GLB1L3: variants seen among roughly 807,000 people sequenced by gnomAD.
The protein encoded by GLB1L3 is beta-galactosidase-1-like protein 3.
In GLB1L3, 89 loss-of-function variants were observed where a neutral mutation model predicts 89.5. The observed-to-expected ratio is 0.99, with a 90% CI of 0.84 to 1.19. GLB1L3 has a LOEUF of 1.19. Among genes scored for constraint, GLB1L3 ranks in the 50% most tolerant of loss-of-function variants. The probability of loss-of-function intolerance (pLI) is 0.00; values close to 1 mark genes in which losing one functional copy is unlikely to be tolerated. For missense variants in GLB1L3, 812 were observed against 813.3 expected (o/e 1.00, Z 0.02); for synonymous variants, 314 against 312.3 (o/e 1.01, Z -0.06).
intron 7 of GLB1L3, chr11:134,289,126 A>G (rs1346465512): frequency 9.6e-6 from 4 of 417,588 alleles, no homozygotes; most frequent in Non-Finnish European, 1.7e-5. Flanking sequence ...AGCCTTACCA[A>G]TAATAAACAG....
chr11:134,309,382 C>G (rs145002529), intron 10 of GLB1L3, among the ~76,000 whole-genome samples: 187 of 152,102 alleles, frequency 1.2e-3, no homozygotes, highest in African/African-American at 4.3e-3. Context: ...AAATGATGTA[C>G]AGCATATCCT....
At chr11:134,301,760 C>A (rs1308836967) in intron 9 of GLB1L3, among the ~76,000 whole-genome samples, 1 of 151,990 alleles carries the variant, frequency 6.6e-6, no homozygotes, top group East Asian at 1.9e-4. Context: ...CTCATTAGTT[C>A]ATGAGTTTTA....
intron 5 of GLB1L3, among the ~76,000 whole-genome samples, 191 bp from the exon 6 acceptor site, chr11:134,283,546 A>G (rs910561109): frequency 3.9e-5 from 6 of 152,290 alleles, no homozygotes; most frequent in African/African-American, 1.4e-4. Flanking sequence ...GTTTCCTTTC[A>G]AATCCCACAA....
At chr11:134,314,500 C>G (rs942702936) in intron 18 of GLB1L3, 59 bp downstream of exon 18, 1 of 1,112,032 alleles carries the variant, frequency 9.0e-7, no homozygotes, top group African/African-American at 1.6e-5. Context: ...TTTAAAGAGT[C>G]CTGAAGCAAA....
chr11:134,305,140 T>A, intron 9 of GLB1L3: 1 of 1,524,472 alleles, frequency 6.6e-7, no homozygotes, highest in Non-Finnish European at 8.9e-7. Flanking sequence ...GCAGGACTGC[T>A]CTCAGATGCC....
chr11:134,310,101 A>G, intron 11 of GLB1L3: 1 of 407,250 alleles, frequency 2.5e-6, no homozygotes, highest in Admixed American at 3.7e-5. Flanking sequence ...TGAGCAAAGA[A>G]AAGAGTACCC....
chr11:134,294,781 T>G (rs899668864), intron 9 of GLB1L3, among the ~76,000 whole-genome samples: 1 of 152,228 alleles, frequency 6.6e-6, no homozygotes, highest in African/African-American at 2.4e-5. Context: ...GTGGTGTTTC[T>G]TCGAGGTCCA....
intron 3 of GLB1L3, among the ~76,000 whole-genome samples, chr11:134,279,790 T>A (rs1409736743): frequency 6.6e-6 from 1 of 152,208 alleles, no homozygotes; most frequent in Non-Finnish European, 1.5e-5. Flanking sequence ...TAATCTTATC[T>A]ATTTAGTCTT....
intron 9 of GLB1L3, 134 bp from the exon 10 acceptor site, chr11:134,306,990 A>G: frequency 1.6e-6 from 1 of 621,014 alleles, no homozygotes; most frequent in Non-Finnish European, 2.8e-6. Context: ...ATACTGGATC[A>G]AAACGGGAAA....
intron 12 of GLB1L3, 36 bp downstream of exon 12, chr11:134,310,687 C>T: frequency 1.3e-6 from 2 of 1,491,266 alleles, no homozygotes; most frequent in Non-Finnish European, 9.3e-7. Flanking sequence ...GGCCAGCCCT[C>T]CTCATGTGGA....
At chr11:134,302,504 T>C (rs1941997307) in intron 9 of GLB1L3, among the ~76,000 whole-genome samples, 1 of 152,200 alleles carries the variant, frequency 6.6e-6, no homozygotes, top group African/African-American at 2.4e-5. Context: ...ATAACACTGA[T>C]AATATTACTG....
intron 3 of GLB1L3, among the ~76,000 whole-genome samples, chr11:134,278,466 T>C (rs1458834301): frequency 6.6e-6 from 1 of 151,986 alleles, no homozygotes; most frequent in Non-Finnish European, 1.5e-5. Flanking sequence ...TTGAATTGTT[T>C]GTAGAGATGG....
intron 7 of GLB1L3, 126 bp downstream of exon 7, chr11:134,289,016 C>A: frequency 1.5e-6 from 1 of 655,134 alleles, no homozygotes; most frequent in Non-Finnish European, 2.5e-6. Context: ...CCTGTGAACA[C>A]GAGGTGCGGA....
chr11:134,297,751 T>C (rs1191029257), intron 9 of GLB1L3, among the ~76,000 whole-genome samples: 1 of 150,730 alleles, frequency 6.6e-6, no homozygotes, highest in Non-Finnish European at 1.5e-5. Flanking sequence ...TCCCAGTTAC[T>C]TGGGAGGCTG....
chr11:134,279,249 G>A (rs898755807), intron 3 of GLB1L3, among the ~76,000 whole-genome samples: 1 of 151,980 alleles, frequency 6.6e-6, no homozygotes, highest in Non-Finnish European at 1.5e-5. Flanking sequence ...TGAAGGGTTT[G>A]GGGACGACAT....
chr11:134,289,389 G>A (rs933383749), intron 7 of GLB1L3, among the ~76,000 whole-genome samples: 64 of 152,126 alleles, frequency 4.2e-4, no homozygotes, highest in African/African-American at 1.3e-3. Context: ...AGGTGGAGGA[G>A]GTGGCAGGAG....
rs1455758737 is a variant in GLB1L3 at position 134,293,127 on chromosome 11, T to A, written c.812-18T>A. ...ACTTGTCTCATGCCTCAGCTGGGTC[T>A]CTCTCTTCTTTATGCAGTGTTGGCC... On this transcript the variant is annotated intron_variant, in intron 8 of 19. Transcript: ENST00000431683. 5 of 1,611,402 alleles carry A rather than the reference T, an allele frequency of 3.1e-6. No homozygotes were observed. Among genetic ancestry groups the A allele is most frequent in the Non-Finnish European group, 4.2e-6 (5 of 1,177,724 alleles).
intron 18 of GLB1L3, among the ~76,000 whole-genome samples, chr11:134,315,242 G>A (rs1942931289): frequency 6.6e-6 from 1 of 151,982 alleles, no homozygotes; most frequent in Admixed American, 6.6e-5. Context: ...TACTTTTTCT[G>A]AACATTTGGA....
intron 9 of GLB1L3, among the ~76,000 whole-genome samples, chr11:134,306,529 A>G (rs1211478236): frequency 6.6e-6 from 1 of 152,202 alleles, no homozygotes; most frequent in East Asian, 1.9e-4. Flanking sequence ...AGAGTGAGAC[A>G]ATCTTAGAGC....
Sources: allele counts gnomAD v4.1 joint callset (sites outside exome capture counted in the v4.1 genomes callset), GRCh38; gene constraint gnomAD v4.1.1; transcripts MANE v1.5; gene names NCBI Gene and HGNC (gene_info 2026-07-23, HGNC 2026-07-21).